Variants in SHROOM3 observed in about 807,000 individuals in gnomAD.
The protein encoded by SHROOM3 is shroom family member 3.
In SHROOM3, 47 loss-of-function variants were observed where a neutral mutation model predicts 138.6. The observed-to-expected ratio is 0.34, with a 90% CI of 0.27 to 0.43. The LOEUF (loss-of-function observed/expected upper bound fraction) is 0.43, where lower values mean the gene tolerates loss of function less well. Ranked by LOEUF, SHROOM3 falls within the 20% of genes least tolerant of loss-of-function variation. The pLI is 1.00. For synonymous variants in SHROOM3, 1,062 were observed against 1,063.3 expected, an observed-to-expected ratio of 1.00 and a Z score of 0.02; for missense variants, 2,491 against 2,596.5, an observed-to-expected ratio of 0.96 and a Z score of 0.88.
intron 1 of SHROOM3, among the ~76,000 whole-genome samples, chr4:76,518,512 TTTCCTTCCTTCCTACC>T (rs1560531437): frequency 1.4e-5 from 2 of 147,408 alleles, no homozygotes; most frequent in Non-Finnish European, 3.0e-5. Flanking sequence ...TCCTTCCTTC[TTTCCTTCCTTCCTACC>T]TTCCTTCCTT....
chr4:76,494,395 G>A (rs1731922286), intron 1 of SHROOM3, among the ~76,000 whole-genome samples: 2 of 152,130 alleles, frequency 1.3e-5, no homozygotes, highest in Non-Finnish European at 2.9e-5. Context: ...AATTAACATT[G>A]TGCGCTACTA....
chr4:76,692,835 G>A (rs1246002843), intron 2 of SHROOM3, among the ~76,000 whole-genome samples: 1 of 152,194 alleles, frequency 6.6e-6, no homozygotes, highest in African/African-American at 2.4e-5. Flanking sequence ...GTTGCCAGTG[G>A]GTAGGGACTG....
intron 7 of SHROOM3, 108 bp downstream of exon 7, chr4:76,755,300 T>C: frequency 7.7e-7 from 1 of 1,301,768 alleles, no homozygotes; most frequent in Non-Finnish European, 1.1e-6. Context: ...TGGAGATGTT[T>C]CTATACAGCT....
At chr4:76,714,290 C>A (rs549730336) in intron 3 of SHROOM3, among the ~76,000 whole-genome samples, 5 of 152,180 alleles carry the variant, frequency 3.3e-5, no homozygotes, top group Non-Finnish European at 5.9e-5. Flanking sequence ...CCTTAGCCTC[C>A]TCTGATCTGT....
At chr4:76,659,360 T>C (rs1433341445) in intron 2 of SHROOM3, among the ~76,000 whole-genome samples, 1 of 152,224 alleles carries the variant, frequency 6.6e-6, no homozygotes, top group South Asian at 2.1e-4. Context: ...CTGAGTTCTT[T>C]ACTCCCCCAC....
intron 1 of SHROOM3, among the ~76,000 whole-genome samples, chr4:76,490,378 AG>A (rs1357938240): frequency 6.6e-6 from 1 of 152,076 alleles, no homozygotes; most frequent in African/African-American, 2.4e-5. Flanking sequence ...CAGAAAAGGC[AG>A]GGGGTTTGCA....
chr4:76,749,087 C>A lies in SHROOM3; in HGVS notation c.3824C>A (p.Ser1275Tyr). 1 of 1,613,726 alleles carries A rather than the reference C, an allele frequency of 6.2e-7. No individual in the cohort carries two copies. The highest frequency in any genetic ancestry group is 8.5e-7 in the Non-Finnish European group (1 of 1,179,688). ...KDPCYLAGPG[S>Y]RSLSCSERGQ... ...CCATGTTATTTGGCTGGTCCTGGAT[C>A]TAGGTATGTACATGTACTTATGATG... The change falls in exon 6 of 11, where the codon TCT (serine) becomes TAT (tyrosine). Residue 1275 changes from serine (S) to tyrosine (Y), a missense_variant. Coordinates refer to ENST00000296043, the MANE Select transcript of SHROOM3 (RefSeq NM_020859.4).
chr4:76,748,874 A>C, intron 5 of SHROOM3, 143 bp from the exon 6 acceptor site: 1 of 594,416 alleles, frequency 1.7e-6, no homozygotes. Flanking sequence ...ATGCCATGGG[A>C]TTATGTAAGA....
At chr4:76,439,688 G>A (rs536817349) in intron 1 of SHROOM3, among the ~76,000 whole-genome samples, 2 of 152,300 alleles carry the variant, frequency 1.3e-5, no homozygotes, top group African/African-American at 2.4e-5. Context: ...AGTACACATT[G>A]AGTCACACAT....
chr4:76,575,425 G>A (rs1232613514), intron 2 of SHROOM3: 2 of 152,256 alleles, frequency 1.3e-5, no homozygotes, highest in East Asian at 3.9e-4. Context: ...TTTATTTGCA[G>A]ATAAGATGAT....
rs538322044 is a variant in SHROOM3 at position 76,519,906 on chromosome 4, C to T, written c.169-35703C>T. Among the ~76,000 whole-genome samples the T allele has an allele frequency of 1.4e-4, 21 of 152,206 alleles. No individual in the cohort carries two copies. The South Asian group carries it at 2.9e-3, about 21-fold the overall frequency. ...GGTGTGAGGTGTGACAATATTGTAA[C>T]GGAAGATTTTGTGTTGAGCTTCTTG... On this transcript the variant is annotated intron_variant, in intron 1 of 10. Transcript: ENST00000296043.
At chr4:76,573,840 C>T (rs959405964) in intron 2 of SHROOM3, among the ~76,000 whole-genome samples, 9 of 152,204 alleles carry the variant, frequency 5.9e-5, no homozygotes, top group East Asian at 1.9e-4. Flanking sequence ...CAGGGCCCAT[C>T]CTAGGATCAT....
intron 1 of SHROOM3, among the ~76,000 whole-genome samples, chr4:76,503,680 C>T (rs912741686): frequency 6.6e-5 from 10 of 152,134 alleles, no homozygotes; most frequent in Middle Eastern, 3.2e-3. Flanking sequence ...CCACCTACCT[C>T]GGTCTCCCAA....
intron 4 of SHROOM3, among the ~76,000 whole-genome samples, chr4:76,735,060 C>CTAT (rs1348545758): frequency 6.6e-6 from 1 of 152,006 alleles, no homozygotes; most frequent in Non-Finnish European, 1.5e-5. Flanking sequence ...AACAGGGAAA[C>CTAT]TATTATGCTG....
intron 2 of SHROOM3, among the ~76,000 whole-genome samples, chr4:76,705,334 C>A (rs1318511025): frequency 2.1e-5 from 3 of 141,370 alleles, no homozygotes; most frequent in Non-Finnish European, 4.6e-5. Context: ...ACAACAACAA[C>A]AAAACATTAA....
intron 1 of SHROOM3, among the ~76,000 whole-genome samples, chr4:76,494,522 GGTAA>G (rs1162478506): frequency 3.3e-5 from 5 of 152,172 alleles, no homozygotes; most frequent in Admixed American, 6.5e-5. Flanking sequence ...TCTCCCAGAT[GGTAA>G]GTGTTTTAGG....
rs1734697241 is a variant in SHROOM3 at position 76,608,701 on chromosome 4, CACA to C, written c.323+52939_323+52941del. Among the ~76,000 whole-genome samples, 5 of 134,528 alleles carry C rather than the reference CACA, an allele frequency of 3.7e-5. 1 individual carries two copies. Among genetic ancestry groups the C allele is most frequent in the Non-Finnish European group, 7.8e-5 (5 of 64,204 alleles). 88.3% of individuals were successfully genotyped at this position (134,528 alleles called of 152,430 possible). A position where few individuals can be genotyped will look rare whatever the true frequency, so the allele number is the denominator to read the frequency against. On this transcript the variant is annotated intron_variant, in intron 2 of 10. Coordinates refer to ENST00000296043, the MANE Select transcript of SHROOM3 (RefSeq NM_020859.4). The stretch of plus-strand genomic sequence containing the variant: ...CACAGCACAGCACAGCACAGCACAG[CACA>C]GCACAGCACAGCACAGCACAGCACA...
intron 3 of SHROOM3, among the ~76,000 whole-genome samples, chr4:76,720,051 G>T (rs987235601): frequency 1.3e-4 from 20 of 151,116 alleles, no homozygotes; most frequent in African/African-American, 4.9e-4. Flanking sequence ...GCTATGAGAT[G>T]GTATTACCTA....
At chr4:76,537,115 A>T (rs536605017) in intron 1 of SHROOM3, among the ~76,000 whole-genome samples, 7 of 152,134 alleles carry the variant, frequency 4.6e-5, no homozygotes, top group Non-Finnish European at 8.8e-5. Flanking sequence ...TCCATCTCAA[A>T]AATAATAATA....
Sources: gnomAD v4.1 joint callset for allele counts (sites outside exome capture counted in the v4.1 genomes callset) on GRCh38, gnomAD v4.1.1 for gene constraint, MANE v1.5 for transcripts, NCBI Gene and HGNC (gene_info 2026-07-23, HGNC 2026-07-21) for gene names.